The following ADPRHL1 variants were observed in gnomAD, a reference collection of about 807,000 sequenced individuals.
The protein encoded by ADPRHL1 is inactive ADP-ribosyltransferase ARH2.
A neutral mutation model predicts 44.1 loss-of-function variants in ADPRHL1; 43 were observed. That is an observed-to-expected ratio of 0.98 (90% CI 0.76 to 1.26). The LOEUF is 1.26. Ranked by LOEUF, ADPRHL1 falls within the 50% of genes most tolerant of loss-of-function variation. The probability of loss-of-function intolerance (pLI) is 0.00; values close to 1 mark genes in which losing one functional copy is unlikely to be tolerated. For missense variants in ADPRHL1, 2,022 were observed against 2,496.9 expected, an observed-to-expected ratio of 0.81 and a Z score of 4.05; for synonymous variants, 878 against 1,017.4, an observed-to-expected ratio of 0.86 and a Z score of 2.61.
intron 3 of ADPRHL1, among the ~76,000 whole-genome samples, chr13:113,430,393 C>A (rs60769726): frequency 6.6e-6 from 1 of 152,092 alleles, no homozygotes; most frequent in Non-Finnish European, 1.5e-5. Flanking sequence ...GGACTGCAGC[C>A]GCTGCGGGTC....
chr13:113,431,318 G>A (rs914101146), intron 3 of ADPRHL1, among the ~76,000 whole-genome samples: 11 of 152,244 alleles, frequency 7.2e-5, no homozygotes, highest in Admixed American at 1.3e-4. Flanking sequence ...CCCGTGACAC[G>A]CCATGCGGAG....
chr13:113,413,949 C>T (rs996165170), intron 7 of ADPRHL1, among the ~76,000 whole-genome samples: 3 of 152,242 alleles, frequency 2.0e-5, no homozygotes, highest in East Asian at 3.8e-4. Context: ...GCCATCACAG[C>T]GCAGGAGACA....
intron 7 of ADPRHL1, among the ~76,000 whole-genome samples, chr13:113,408,718 C>T (rs534598521): frequency 1.0e-3 from 157 of 152,312 alleles, no homozygotes; most frequent in African/African-American, 3.7e-3. Context: ...TGGGTCCCTA[C>T]AGCAGAGACT....
intron 3 of ADPRHL1, among the ~76,000 whole-genome samples, chr13:113,432,140 T>C (rs1015913622): frequency 6.6e-6 from 1 of 152,172 alleles, no homozygotes; most frequent in African/African-American, 2.4e-5. Context: ...TTTTTTGTTT[T>C]TGAGATAGGG....
chr13:113,405,965 G>A lies in ADPRHL1; in HGVS notation c.3317C>T (p.Pro1106Leu). 1 of 1,232,084 alleles carries A rather than the reference G, an allele frequency of 8.1e-7. No individual in the cohort carries two copies. The highest frequency in any genetic ancestry group is 1.0e-6 in the Non-Finnish European group (1 of 988,034). The allele number at this position is 1,232,084 out of a possible 1,614,324, so 76.3% of individuals were successfully genotyped here. A position where few individuals can be genotyped will look rare whatever the true frequency, so the allele number is the denominator to read the frequency against. The change falls in exon 8 of 8, where the codon CCA becomes CTA. Residue 1106 changes from proline to leucine, a missense_variant. Pro to Leu is a moderately conservative substitution (Grantham distance 98, BLOSUM62 -3). Around this residue, in one of 8 missense-constraint regions of ADPRHL1, gnomAD observed 1,221 missense variants for 1,517.8 expected, o/e 0.80. Transcript: ENST00000612156. The stretch of plus-strand genomic sequence containing the variant: ...CATCGCCCCACAGGCTTTCATACCT[G>A]GTTTGGGTGGTTCATTTAATGAGGA... Reference protein sequence around the residue: ...PLSSLNEPPKPGMKACGAMAA... With the variant: ...PLSSLNEPPKLGMKACGAMAA...
At position 113,399,778 on chromosome 13, in the gene ADPRHL1, T is replaced by C. The variant is rs746363537; in HGVS notation, c.*3600A>G. ...TATGAACAAGAACAAATTTAATAAA[T>C]AGCTGTAGCCTAATACACAACCGAA... On this transcript the variant is annotated 3_prime_UTR_variant, in exon 8 of 8. Transcript: ENST00000612156. 6.6e-6 allele frequency: 1 copy of C among 152,004 alleles called. No homozygotes were observed. The highest frequency in any genetic ancestry group is 1.5e-5 in the Non-Finnish European group (1 of 67,946). 9.4% of individuals were successfully genotyped at this position (152,004 alleles called of 1,614,324 possible).
Position 113,403,208 on chromosome 13 carries a change from T to C in ADPRHL1, c.*170A>G. 3.7e-6 allele frequency: 2 copies of C among 544,176 alleles called. No homozygotes were observed. The highest frequency in any genetic ancestry group is 5.5e-6 in the Non-Finnish European group (2 of 364,738). 33.7% of individuals were successfully genotyped at this position (544,176 alleles called of 1,614,324 possible). ...TGGGGTGACAGGAACCCGACCCACATGTAGCTCAATCCTCCCAAGGTCAGC... is the reference window on the plus strand; with the variant it reads ...TGGGGTGACAGGAACCCGACCCACACGTAGCTCAATCCTCCCAAGGTCAGC... On this transcript the variant is annotated 3_prime_UTR_variant, in exon 8 of 8. Transcript: ENST00000612156.
At chr13:113,414,169 C>A (rs1036995206) in intron 7 of ADPRHL1, among the ~76,000 whole-genome samples, 1 of 152,004 alleles carries the variant, frequency 6.6e-6, no homozygotes, top group Non-Finnish European at 1.5e-5. Context: ...GGCAGCTGGG[C>A]CTGCAACTGT....
At chr13:113,424,391 G>A (rs1566472753) in intron 5 of ADPRHL1, 42 bp from the exon 6 acceptor site, 1 of 1,611,438 alleles carries the variant, frequency 6.2e-7, no homozygotes, top group East Asian at 2.2e-5. Flanking sequence ...CCCAAGTGGA[G>A]CCACTTCTGG....
rs1011838150 is a variant in ADPRHL1 at position 113,403,297 on chromosome 13, T to C, written c.*81A>G. The C allele has an allele frequency of 2.6e-6, 3 of 1,155,346 alleles. No individual in the cohort carries two copies. Among genetic ancestry groups the C allele is most frequent in the Non-Finnish European group, 3.3e-6 (3 of 918,838 alleles). The allele number at this position is 1,155,346 out of a possible 1,614,324, so 71.6% of individuals were successfully genotyped here. ...TCTGTAGGGGATGCTCCAAGACGCA[T>C]TTGGAGGCAGGAAAATGCCTGAAGT... On this transcript the variant is annotated 3_prime_UTR_variant, in exon 8 of 8. Transcript: ENST00000612156.
At chr13:113,419,213 C>T (rs2043903546) in intron 7 of ADPRHL1, among the ~76,000 whole-genome samples, 1 of 146,174 alleles carries the variant, frequency 6.8e-6, no homozygotes, top group South Asian at 2.3e-4. Context: ...CTCTGGCAAT[C>T]CTCCCACCTC....
Position 113,431,214 on chromosome 13 carries a change from T to C in ADPRHL1, c.506-2122A>G, listed in dbSNP as rs150175646. ...GTACACCGGGGCTGTGACACTGCCC[T>C]GCCGGGGCTGTCGTGGGGAAAAGAT... On this transcript the variant is annotated intron_variant, in intron 3 of 7. Transcript: ENST00000612156. Among the ~76,000 whole-genome samples the C allele has an allele frequency of 3.4e-3, 520 of 152,330 alleles. 2 individuals are homozygous for C. The highest frequency in any genetic ancestry group is 0.012 in the African/African-American group (491 of 41,578).
chr13:113,428,705 G>A (rs543231962), intron 4 of ADPRHL1, among the ~76,000 whole-genome samples: 3 of 152,376 alleles, frequency 2.0e-5, no homozygotes, highest in African/African-American at 2.4e-5. Context: ...AAATGTCCCC[G>A]GCAGGCTCAG....
At chr13:113,431,357 G>A (rs1005614039) in intron 3 of ADPRHL1, among the ~76,000 whole-genome samples, 14 of 152,236 alleles carry the variant, frequency 9.2e-5, no homozygotes, top group South Asian at 8.3e-4. Flanking sequence ...CTGCAGAGAC[G>A]CTTTCCAGCG....
intron 2 of ADPRHL1, among the ~76,000 whole-genome samples, chr13:113,434,508 C>T (rs563631784): frequency 6.0e-5 from 9 of 150,572 alleles, no homozygotes; most frequent in Non-Finnish European, 1.3e-4. Flanking sequence ...TACCCCGGGA[C>T]CCAGCATCCA....
intron 7 of ADPRHL1, among the ~76,000 whole-genome samples, chr13:113,419,488 A>G (rs1182510795): frequency 6.6e-6 from 1 of 152,140 alleles, no homozygotes; most frequent in Non-Finnish European, 1.5e-5. Flanking sequence ...ACCATAAAAT[A>G]TAAGATGCAC....
At chr13:113,410,141 C>A in intron 7 of ADPRHL1, 1 of 985,310 alleles carries the variant, frequency 1.0e-6, no homozygotes, top group Non-Finnish European at 1.2e-6. Flanking sequence ...CCAGGACGGA[C>A]CCCACACGGA....
At chr13:113,448,487 A>T (rs1213005978) in intron 1 of ADPRHL1, among the ~76,000 whole-genome samples, 1 of 151,620 alleles carries the variant, frequency 6.6e-6, no homozygotes, top group Non-Finnish European at 1.5e-5. Flanking sequence ...AAAAAAAAAA[A>T]AAAATGGTGC....
At position 113,403,569 on chromosome 13, in the gene ADPRHL1, C is replaced by A. The variant is rs1246849303; in HGVS notation, c.5713G>T (p.Gly1905Trp). The change falls in exon 8 of 8, where the codon GGG (glycine) becomes TGG (tryptophan). Residue 1905 changes from glycine to tryptophan, a missense_variant. Physicochemically the swap from Gly to Trp is radical, Grantham distance 184. Transcript: ENST00000612156. ...CGTPQAPAQE[G>W]SPDHPGAERA... ...TCAGCCCCAGGGTGGTCTGGGGACC[C>A]CTCCTGGGCCGGGGCCTGGGGAGTC... 4.1e-6 allele frequency: 5 copies of A among 1,231,610 alleles called. No homozygotes were observed. In the East Asian group the frequency reaches 9.5e-5, roughly 23 times the overall value. 76.3% of individuals were successfully genotyped at this position (1,231,610 alleles called of 1,614,324 possible).
Sources: gnomAD v4.1 joint callset for allele counts (sites outside exome capture counted in the v4.1 genomes callset) on GRCh38, gnomAD v4.1.1 for gene constraint, gnomAD v4.1.1 regional missense constraint, MANE v1.5 for transcripts, NCBI Gene and HGNC (gene_info 2026-07-23, HGNC 2026-07-21) for gene names.